The following UNC5C variants were observed in gnomAD, a reference collection of about 807,000 sequenced individuals.
The protein encoded by UNC5C is unc-5 netrin receptor C.
A neutral mutation model predicts 99.8 loss-of-function variants in UNC5C; 47 were observed. The observed-to-expected ratio is 0.47, with a 90% CI of 0.37 to 0.60. The LOEUF (loss-of-function observed/expected upper bound fraction) is 0.60, where lower values mean the gene tolerates loss of function less well. UNC5C is among the 20% of genes least tolerant of loss of function. UNC5C has a pLI of 0.00. For synonymous variants in UNC5C, 487 were observed against 452.2 expected (o/e 1.08, Z -0.98); for missense variants, 1,062 against 1,165.9 (o/e 0.91, Z 1.30).
chr4:95,516,763 G>T (rs1438094869), intron 1 of UNC5C, among the ~76,000 whole-genome samples: 1 of 152,088 alleles, frequency 6.6e-6, no homozygotes, highest in Non-Finnish European at 1.5e-5. Flanking sequence ...TCTGCATCTG[G>T]TGTTTATCAT....
intron 12 of UNC5C, among the ~76,000 whole-genome samples, chr4:95,185,492 A>G (rs1009673515): frequency 3.9e-5 from 6 of 152,152 alleles, no homozygotes; most frequent in Non-Finnish European, 8.8e-5. Flanking sequence ...GTATTTATCA[A>G]ATATGGGGGA....
At chr4:95,176,004 C>A (rs867881024) in intron 14 of UNC5C, among the ~76,000 whole-genome samples, 1 of 151,744 alleles carries the variant, frequency 6.6e-6, no homozygotes, top group Non-Finnish European at 1.5e-5. Context: ...CATCTTCCAT[C>A]GCTGATACCC....
chr4:95,302,021 A>G (rs1380715863), intron 2 of UNC5C, among the ~76,000 whole-genome samples: 3 of 152,180 alleles, frequency 2.0e-5, no homozygotes, highest in African/African-American at 7.2e-5. Flanking sequence ...TCCTTTCCCA[A>G]TACAGCTTGC....
At chr4:95,185,340 G>A (rs931330157) in intron 12 of UNC5C, 144 bp from the exon 13 acceptor site, 26 of 947,694 alleles carry the variant, frequency 2.7e-5, no homozygotes, top group East Asian at 2.7e-4. Flanking sequence ...TTGCAGCCTC[G>A]AGACCCTCTA....
At chr4:95,394,011 T>C (rs1443672977) in intron 1 of UNC5C, among the ~76,000 whole-genome samples, 1 of 152,110 alleles carries the variant, frequency 6.6e-6, no homozygotes, top group African/African-American at 2.4e-5. Context: ...GAAAAACAAA[T>C]GAAGATGTAT....
chr4:95,498,521 G>A (rs746334336), intron 1 of UNC5C, among the ~76,000 whole-genome samples: 1 of 151,974 alleles, frequency 6.6e-6, no homozygotes, highest in Non-Finnish European at 1.5e-5. Context: ...ACTCTAAAAA[G>A]TAAAAAGTGT....
chr4:95,186,102 AAACT>A lies in UNC5C; in HGVS notation c.2137-910_2137-907del, dbSNP rs568064394. On this transcript the variant is annotated intron_variant, in intron 12 of 15. Coordinates refer to ENST00000453304, the MANE Select transcript of UNC5C (RefSeq NM_003728.4). ...AGCAAACCATTAGTTATCAATGAAC[AAACT>A]ATCTTGGGTCTCCTCTGCTGTCTGA... 8.1e-4 allele frequency among the ~76,000 whole-genome samples: 124 copies of A among 152,308 alleles called. No homozygotes were observed. In the South Asian group the frequency reaches 0.024, roughly 30 times the overall value.
chr4:95,427,179 T>A (rs563475468), intron 1 of UNC5C, among the ~76,000 whole-genome samples: 1 of 152,312 alleles, frequency 6.6e-6, no homozygotes, highest in Admixed American at 6.5e-5. Context: ...TGCTGCAATC[T>A]CATGGTCAAA....
rs543381675 is a variant in UNC5C at position 95,461,438 on chromosome 4, G to A, written c.124+87296C>T. On this transcript the variant is annotated intron_variant, in intron 1 of 15. Coordinates refer to ENST00000453304, the MANE Select transcript of UNC5C (RefSeq NM_003728.4). ...ATATAATTAGAAAAATATTCCCAAA[G>A]TAAAATTATAAATTATTGTTGGCTT... Among the ~76,000 whole-genome samples, 86 of 98,806 alleles carry A rather than the reference G, an allele frequency of 8.7e-4. 16 individuals carry two copies. Among genetic ancestry groups the A allele is most frequent in the African/African-American group, 4.1e-3 (83 of 20,098 alleles). The allele number at this position is 98,806 out of a possible 152,430, so 64.8% of individuals were successfully genotyped here.
chr4:95,494,052 A>C (rs1721572356), intron 1 of UNC5C, among the ~76,000 whole-genome samples: 1 of 151,514 alleles, frequency 6.6e-6, no homozygotes, highest in South Asian at 2.1e-4. Context: ...TGCAGGAATC[A>C]GTTATTTCGG....
At chr4:95,312,739 T>C in intron 2 of UNC5C, among the ~76,000 whole-genome samples, 1 of 152,140 alleles carries the variant, frequency 6.6e-6, no homozygotes, top group East Asian at 1.9e-4. Flanking sequence ...GAATTTCTGT[T>C]CAATACACCC....
intron 6 of UNC5C, 47 bp from the exon 7 acceptor site, chr4:95,242,640 C>T (rs2149378546): frequency 6.7e-7 from 1 of 1,492,646 alleles, no homozygotes; most frequent in African/African-American, 1.4e-5. Context: ...GAGGCAGCTG[C>T]TTAAGGGATG....
chr4:95,170,906 A>T (rs1316959176), intron 14 of UNC5C, among the ~76,000 whole-genome samples: 1 of 152,236 alleles, frequency 6.6e-6, no homozygotes, highest in East Asian at 1.9e-4. Flanking sequence ...CTAATTTCTT[A>T]AAAAAGAAAA....
In UNC5C at chr4:95,219,314, C is replaced by G. The variant is rs1177023304; in HGVS notation, c.1301-1G>C. The G allele has an allele frequency of 6.2e-7, 1 of 1,611,414 alleles. No homozygotes were observed. The highest frequency in any genetic ancestry group is 2.2e-5 in the East Asian group (1 of 44,842). On this transcript the variant is annotated splice_acceptor_variant, in intron 8 of 15. Transcript: ENST00000453304. LOFTEE classifies it high-confidence loss of function. ...AGGTCTGGGGGTACAGCCAGCAGAT[C>G]TGAGTCAGAAAGAGAAAATAATCCC...
At chr4:95,521,894 A>G (rs2149490548) in intron 1 of UNC5C, among the ~76,000 whole-genome samples, 1 of 152,292 alleles carries the variant, frequency 6.6e-6, no homozygotes. Context: ...TTATCATTCA[A>G]TTTGGTCTTG....
At chr4:95,310,231 A>G (rs1742227384) in intron 2 of UNC5C, among the ~76,000 whole-genome samples, 1 of 152,296 alleles carries the variant, frequency 6.6e-6, no homozygotes, top group Middle Eastern at 3.4e-3. Flanking sequence ...GTGGATTCTA[A>G]AAAAGGTGAA....
At chr4:95,419,311 A>G (rs1012547591) in intron 1 of UNC5C, among the ~76,000 whole-genome samples, 1 of 152,226 alleles carries the variant, frequency 6.6e-6, no homozygotes, top group East Asian at 1.9e-4. Context: ...TGTTTAAAAT[A>G]GATAAAAACC....
intron 4 of UNC5C, among the ~76,000 whole-genome samples, chr4:95,256,699 AATATAT>A (rs377553615): frequency 3.3e-5 from 3 of 90,666 alleles, no homozygotes; most frequent in Admixed American, 2.2e-4. Context: ...GAACTAAATA[AATATAT>A]ATATATATAT....
rs1342067830 is a variant in UNC5C, at chr4:95,226,923, G to T, written c.1109-6747C>A. Among the ~76,000 whole-genome samples, 4 of 151,984 alleles carry T rather than the reference G, an allele frequency of 2.6e-5. No homozygotes were observed. In the South Asian group the frequency reaches 6.2e-4, roughly 24 times the overall value. On this transcript the variant is annotated intron_variant, in intron 7 of 15. Transcript: ENST00000453304. ...GTCCTGCAATGAAAGAAACAATCTT[G>T]CCATGAAAGGATGGCCCAGAACAAA...
Sources: gnomAD v4.1 joint callset for allele counts (sites outside exome capture counted in the v4.1 genomes callset) on GRCh38, gnomAD v4.1.1 for gene constraint, MANE v1.5 for transcripts, NCBI Gene and HGNC (gene_info 2026-07-23, HGNC 2026-07-21) for gene names.